RALA: variants seen among roughly 807,000 people sequenced by gnomAD.
RALA encodes ras-related protein Ral-A.
RALA carries 5 observed loss-of-function variants against 24.0 expected under a neutral mutation model. The observed-to-expected ratio is 0.21, with a 90% CI of 0.11 to 0.44. The LOEUF is 0.44. Among genes scored for constraint, RALA ranks in the 20% least tolerant of loss-of-function variants. The probability of loss-of-function intolerance (pLI) is 0.99; values close to 1 mark genes in which losing one functional copy is unlikely to be tolerated. For synonymous variants in RALA, 77 were observed against 83.8 expected, an observed-to-expected ratio of 0.92 and a Z score of 0.44; for missense variants, 95 against 241.2, an observed-to-expected ratio of 0.39 and a Z score of 4.01.
intron 1 of RALA, among the ~76,000 whole-genome samples, chr7:39,681,181 A>G (rs1792591753): frequency 6.6e-6 from 1 of 152,100 alleles, no homozygotes; most frequent in African/African-American, 2.4e-5. Context: ...AAAAGCAGCC[A>G]AACAAAAAGC....
At chr7:39,636,962 A>G (rs1197232968) in intron 1 of RALA, among the ~76,000 whole-genome samples, 3 of 152,218 alleles carry the variant, frequency 2.0e-5, no homozygotes. Flanking sequence ...TACCAGGTCC[A>G]TCCCCTGATG....
chr7:39,679,770 G>GCGCA (rs1257387578), intron 1 of RALA, among the ~76,000 whole-genome samples: 1 of 151,920 alleles, frequency 6.6e-6, no homozygotes, highest in East Asian at 1.9e-4. Context: ...GAGTGCAATG[G>GCGCA]CGCAGTCTTG....
chr7:39,671,986 T>C (rs1792399420), intron 1 of RALA, among the ~76,000 whole-genome samples: 1 of 152,136 alleles, frequency 6.6e-6, no homozygotes, highest in African/African-American at 2.4e-5. Context: ...CATCTCTTTA[T>C]AATAAATTAT....
intron 1 of RALA, among the ~76,000 whole-genome samples, chr7:39,658,157 G>A (rs373859423): frequency 4.6e-5 from 7 of 152,124 alleles, no homozygotes; most frequent in Non-Finnish European, 4.4e-5. Flanking sequence ...ATGTTCTCTG[G>A]TGTCTTCTAT....
intron 3 of RALA, among the ~76,000 whole-genome samples, chr7:39,690,804 A>T (rs1230137606): frequency 6.6e-6 from 1 of 152,150 alleles, no homozygotes; most frequent in Non-Finnish European, 1.5e-5. Context: ...TCCCGGTGTC[A>T]CCTGTATTGG....
At chr7:39,700,663 C>T (rs1415280341) in intron 4 of RALA, 2 of 152,242 alleles carry the variant, frequency 1.3e-5, no homozygotes, top group East Asian at 3.8e-4. Flanking sequence ...TAGACTTCAG[C>T]TCTTGATGAA....
intron 1 of RALA, among the ~76,000 whole-genome samples, chr7:39,664,361 GCTTTGTC>G (rs889838761): frequency 6.6e-6 from 1 of 152,168 alleles, no homozygotes; most frequent in African/African-American, 2.4e-5. Flanking sequence ...TTTCATCAAT[GCTTTGTC>G]CCTGAAGTCA....
At chr7:39,664,061 C>T (rs1359371356) in intron 1 of RALA, among the ~76,000 whole-genome samples, 1 of 152,200 alleles carries the variant, frequency 6.6e-6, no homozygotes, top group South Asian at 2.1e-4. Context: ...AGGATATCTG[C>T]TTGAACAGAT....
intron 4 of RALA, among the ~76,000 whole-genome samples, chr7:39,698,836 G>A (rs1792966154): frequency 1.3e-5 from 2 of 152,078 alleles, no homozygotes; most frequent in South Asian, 4.1e-4. Flanking sequence ...TAGGGAAAAT[G>A]GCCCAAAAAC....
At chr7:39,662,451 A>G (rs936084170) in intron 1 of RALA, among the ~76,000 whole-genome samples, 4 of 152,124 alleles carry the variant, frequency 2.6e-5, no homozygotes, top group Non-Finnish European at 4.4e-5. Context: ...AACAGCACCA[A>G]AGTCACCTTT....
At chr7:39,696,989 C>G in intron 4 of RALA, 130 bp downstream of exon 4, 1 of 880,060 alleles carries the variant, frequency 1.1e-6, no homozygotes, top group Non-Finnish European at 1.7e-6. Flanking sequence ...TTTATCATCC[C>G]TGAATACTCA....
chr7:39,641,786 G>T (rs1039905714), intron 1 of RALA, among the ~76,000 whole-genome samples: 2 of 152,058 alleles, frequency 1.3e-5, no homozygotes, highest in African/African-American at 4.8e-5. Flanking sequence ...TGATTTTCTT[G>T]CTCAAAAAAG....
chr7:39,688,842 T>C (rs1015179490), intron 2 of RALA, among the ~76,000 whole-genome samples: 3 of 152,134 alleles, frequency 2.0e-5, no homozygotes, highest in Admixed American at 6.5e-5. Context: ...AGAGATTTAA[T>C]TGACTCACAG....
chr7:39,646,297 AC>A (rs1332218464), intron 1 of RALA, among the ~76,000 whole-genome samples: 2 of 151,940 alleles, frequency 1.3e-5, no homozygotes, highest in Non-Finnish European at 2.9e-5. Context: ...TGTCCCTACA[AC>A]CCCCCGCCAA....
intron 1 of RALA, among the ~76,000 whole-genome samples, chr7:39,667,160 A>G (rs1792298645): frequency 6.6e-6 from 1 of 152,184 alleles, no homozygotes; most frequent in Admixed American, 6.5e-5. Flanking sequence ...GTATTGAAAA[A>G]TAGTATTCTT....
rs1793137125 is a variant in RALA at position 39,707,424 on chromosome 7, A to G, written c.*1179A>G. 1 of 152,238 alleles carries G rather than the reference A, an allele frequency of 6.6e-6. No individual in the cohort carries two copies. The highest frequency in any genetic ancestry group is 1.5e-5 in the Non-Finnish European group (1 of 68,050). 9.4% of individuals were successfully genotyped at this position (152,238 alleles called of 1,614,324 possible). On this transcript the variant is annotated 3_prime_UTR_variant, in exon 5 of 5. Transcript: ENST00000005257. ...TCTGTTTCTGTTTATAATGAAGAACACTGTAGCTACATTTTCAGAAGTTAA... is the reference window on the plus strand; with the variant it reads ...TCTGTTTCTGTTTATAATGAAGAACGCTGTAGCTACATTTTCAGAAGTTAA...
At chr7:39,626,041 CTA>C (rs917081401) in intron 1 of RALA, among the ~76,000 whole-genome samples, 26 of 151,972 alleles carry the variant, frequency 1.7e-4, no homozygotes, top group Non-Finnish European at 2.9e-4. Flanking sequence ...AGGAAAAAGA[CTA>C]TGATTTTGAA....
intron 1 of RALA, among the ~76,000 whole-genome samples, chr7:39,651,909 T>G: frequency 6.6e-6 from 1 of 152,230 alleles, no homozygotes; most frequent in East Asian, 1.9e-4. Context: ...ACAATAAATA[T>G]TCTTATCGCT....
chr7:39,632,895 A>C (rs1236560872), intron 1 of RALA, among the ~76,000 whole-genome samples: 1 of 152,242 alleles, frequency 6.6e-6, no homozygotes, highest in Admixed American at 6.5e-5. Flanking sequence ...CAACTTTCCT[A>C]GTGCATGGTA....
Sources: allele counts gnomAD v4.1 joint callset (sites outside exome capture counted in the v4.1 genomes callset), GRCh38; gene constraint gnomAD v4.1.1; transcripts MANE v1.5; gene names NCBI Gene and HGNC (gene_info 2026-07-23, HGNC 2026-07-21).